The following RBFOX1 variants were observed in gnomAD, a reference collection of about 807,000 sequenced individuals.
RBFOX1 encodes RNA binding fox-1 homolog 1, also known as RNA binding protein fox-1 homolog 1.
In RBFOX1, 8 loss-of-function variants were observed where a neutral mutation model predicts 57.7. That is an observed-to-expected ratio of 0.14 (90% CI 0.08 to 0.25). The LOEUF is 0.25. RBFOX1 is among the 10% of genes least tolerant of loss of function. The probability of loss-of-function intolerance (pLI) is 1.00; values close to 1 mark genes in which losing one functional copy is unlikely to be tolerated. For missense variants in RBFOX1, 611 were observed against 548.5 expected (o/e 1.11, Z -1.14); for synonymous variants, 326 against 222.4 (o/e 1.47, Z -4.15).
intron 1 of RBFOX1, among the ~76,000 whole-genome samples, chr16:6,082,024 A>C (rs138997720): frequency 6.0e-4 from 92 of 152,158 alleles, no homozygotes; most frequent in African/African-American, 2.1e-3. Flanking sequence ...TTTGAATATG[A>C]GCTTCAACTG....
At chr16:6,285,447 A>G (rs1180747555) in intron 1 of RBFOX1, among the ~76,000 whole-genome samples, 3 of 152,182 alleles carry the variant, frequency 2.0e-5, no homozygotes, top group Non-Finnish European at 4.4e-5. Context: ...ATGGGAGCCA[A>G]ACACCCTGAA....
intron 2 of RBFOX1, among the ~76,000 whole-genome samples, chr16:6,512,926 A>G (rs186228195): frequency 2.0e-4 from 31 of 152,298 alleles, no homozygotes; most frequent in Admixed American, 3.3e-4. Flanking sequence ...TTGGCCTTCT[A>G]TCTTTTGCTG....
chr16:6,311,061 C>T (rs898360140), intron 1 of RBFOX1, among the ~76,000 whole-genome samples: 1 of 151,984 alleles, frequency 6.6e-6, no homozygotes, highest in Non-Finnish European at 1.5e-5. Flanking sequence ...CTTTGGGAGG[C>T]CAAGGCGGGC....
rs537105820 is a variant in RBFOX1, at chr16:6,103,171, C to A, written c.-127+83179C>A. Among the ~76,000 whole-genome samples, 12 of 152,300 alleles carry A rather than the reference C, an allele frequency of 7.9e-5. No homozygotes were observed. In the South Asian group the frequency reaches 2.5e-3, roughly 32 times the overall value. ...CAGTGGGTAGTGGGATAAGCCAGTT[C>A]CATCCAAGTCATGCAGCCTAAGAAT... On this transcript the variant is annotated intron_variant, in intron 1 of 15. Coordinates refer to ENST00000550418, the MANE Select transcript of RBFOX1 (RefSeq NM_018723.4).
chr16:7,196,511 G>A (rs1241219862), intron 4 of RBFOX1, among the ~76,000 whole-genome samples: 1 of 152,186 alleles, frequency 6.6e-6, no homozygotes, highest in East Asian at 1.9e-4. Flanking sequence ...CGTCTACAAT[G>A]TGCAGGTTAG....
intron 3 of RBFOX1, among the ~76,000 whole-genome samples, chr16:5,771,510 A>G (rs910352843): frequency 6.6e-6 from 1 of 152,130 alleles, no homozygotes; most frequent in African/African-American, 2.4e-5. Context: ...CTGGGTTCAC[A>G]TGATTCTTAT....
intron 1 of RBFOX1, among the ~76,000 whole-genome samples, chr16:5,463,155 G>T (rs1432328087): frequency 6.6e-6 from 1 of 152,152 alleles, no homozygotes; most frequent in South Asian, 2.1e-4. Context: ...TGTACTTCCA[G>T]GGTTGAGTTT....
chr16:6,071,986 A>T (rs58439828), intron 1 of RBFOX1, among the ~76,000 whole-genome samples: 1 of 152,038 alleles, frequency 6.6e-6, no homozygotes, highest in African/African-American at 2.4e-5. Flanking sequence ...TGTTTTAGTC[A>T]GTTCTCACAT....
intron 1 of RBFOX1, among the ~76,000 whole-genome samples, chr16:6,094,863 C>T (rs1424682080): frequency 6.6e-6 from 1 of 152,198 alleles, no homozygotes; most frequent in Non-Finnish European, 1.5e-5. Flanking sequence ...AGTTTGAGAC[C>T]AGCCTGGCCA....
At position 5,469,774 on chromosome 16, in the gene RBFOX1, G is replaced by T. The variant is rs570737182; in HGVS notation, c.258+2520G>T. Among the ~76,000 whole-genome samples, 4 of 152,252 alleles carry T rather than the reference G, an allele frequency of 2.6e-5. No homozygotes were observed. In the South Asian group the frequency reaches 8.3e-4, roughly 32 times the overall value. ...GGAATTGTATAGTATGTGGTCTTCC[G>T]TATCTGGCTTCTTTCATTCAGCACA... On this transcript the variant is annotated intron_variant, in intron 2 of 2. Transcript: ENST00000585867.
At chr16:5,318,378 C>T (rs1423643423) in intron 1 of RBFOX1, among the ~76,000 whole-genome samples, 1 of 152,162 alleles carries the variant, frequency 6.6e-6, no homozygotes, top group South Asian at 2.1e-4. Flanking sequence ...ATGCACCCAC[C>T]TTGGCCTCCC....
intron 4 of RBFOX1, among the ~76,000 whole-genome samples, chr16:7,203,431 C>G (rs2089161942): frequency 6.6e-6 from 1 of 152,100 alleles, no homozygotes; most frequent in Non-Finnish European, 1.5e-5. Flanking sequence ...TTCAGTATTA[C>G]AAGACAAAAA....
intron 4 of RBFOX1, among the ~76,000 whole-genome samples, chr16:7,169,312 GC>G (rs1218573481): frequency 6.6e-6 from 1 of 152,168 alleles, no homozygotes; most frequent in Non-Finnish European, 1.5e-5. Flanking sequence ...TTTACTAAAA[GC>G]TTTGCATATA....
intron 1 of RBFOX1, among the ~76,000 whole-genome samples, chr16:6,301,469 T>C (rs748223360): frequency 3.9e-5 from 6 of 152,206 alleles, no homozygotes; most frequent in South Asian, 2.1e-4. Flanking sequence ...TTGTGAAAGA[T>C]TGAAGCATTT....
chr16:6,127,348 C>T (rs1294680078), intron 1 of RBFOX1, among the ~76,000 whole-genome samples: 1 of 151,800 alleles, frequency 6.6e-6, no homozygotes, highest in Admixed American at 6.6e-5. Context: ...CAAGCACCTG[C>T]TCTAGTTCCC....
intron 1 of RBFOX1, among the ~76,000 whole-genome samples, chr16:6,153,820 G>A (rs1484357721): frequency 6.6e-6 from 1 of 152,142 alleles, no homozygotes; most frequent in Non-Finnish European, 1.5e-5. Context: ...ACAGGTGTGA[G>A]CCACCATGCC....
chr16:5,817,736 C>G (rs2055694157), intron 3 of RBFOX1, among the ~76,000 whole-genome samples: 1 of 150,242 alleles, frequency 6.7e-6, no homozygotes, highest in South Asian at 2.1e-4. Flanking sequence ...TTGCTGTCAC[C>G]CAGGCTGGAG....
At chr16:6,310,060 G>T (rs1402596564) in intron 1 of RBFOX1, among the ~76,000 whole-genome samples, 1 of 152,096 alleles carries the variant, frequency 6.6e-6, no homozygotes, top group Admixed American at 6.5e-5. Flanking sequence ...GCTAATTTTT[G>T]TATTTTTAGT....
At chr16:7,185,425 G>T (rs2083520551) in intron 4 of RBFOX1, among the ~76,000 whole-genome samples, 1 of 152,152 alleles carries the variant, frequency 6.6e-6, no homozygotes, top group African/African-American at 2.4e-5. Context: ...GCCATTGGAC[G>T]CCATGGTTTT....
Sources: gnomAD v4.1 joint callset for allele counts (sites outside exome capture counted in the v4.1 genomes callset) on GRCh38, gnomAD v4.1.1 for gene constraint, MANE v1.5 for transcripts, NCBI Gene and HGNC (gene_info 2026-07-23, HGNC 2026-07-21) for gene names.